The following RBL1 variants were observed in gnomAD, a reference collection of about 807,000 sequenced individuals.
The protein encoded by RBL1 is RB transcriptional corepressor like 1, also known as retinoblastoma-like protein 1.
Under a neutral mutation model 123.0 loss-of-function variants are expected in RBL1, and 82 were observed. The ratio of observed to expected loss-of-function variants is 0.67; its 90% CI spans 0.56 to 0.80. The LOEUF is 0.80. Among genes scored for constraint, RBL1 ranks in the 30% least tolerant of loss-of-function variants. The pLI is 0.00. For missense variants in RBL1, 1,171 were observed against 1,299.6 expected (o/e 0.90, Z 1.52); for synonymous variants, 405 against 441.3 (o/e 0.92, Z 1.03).
intron 2 of RBL1, among the ~76,000 whole-genome samples, chr20:37,070,133 T>A (rs1242852468): frequency 6.6e-6 from 1 of 152,218 alleles, no homozygotes; most frequent in Non-Finnish European, 1.5e-5. Context: ...TAAGAAAACT[T>A]CTTCTGCCGT....
intron 16 of RBL1, among the ~76,000 whole-genome samples, chr20:37,027,953 C>T (rs1368005195): frequency 6.6e-6 from 1 of 152,174 alleles, no homozygotes; most frequent in African/African-American, 2.4e-5. Flanking sequence ...CTGGGTCTCG[C>T]TATGTTGCCC....
chr20:36,998,986 A>G, intron 21 of RBL1, 57 bp from the exon 22 acceptor site: 1 of 1,506,390 alleles, frequency 6.6e-7, no homozygotes, highest in East Asian at 2.3e-5. Context: ...AATGGCAGCA[A>G]ACAACCAAGC....
At chr20:37,042,901 C>CA (rs1454040901) in intron 13 of RBL1, among the ~76,000 whole-genome samples, 2 of 110,102 alleles carry the variant, frequency 1.8e-5, no homozygotes, top group African/African-American at 6.6e-5. Flanking sequence ...CTTGTCCCCC[C>CA]CCCTCCAAAA....
chr20:37,076,185 C>A (rs980145350), intron 2 of RBL1, among the ~76,000 whole-genome samples: 1 of 152,100 alleles, frequency 6.6e-6, no homozygotes, highest in African/African-American at 2.4e-5. Context: ...CCCATTTATC[C>A]TCAGGGAATA....
At chr20:37,078,436 T>C (rs2065397838) in intron 2 of RBL1, among the ~76,000 whole-genome samples, 1 of 152,252 alleles carries the variant, frequency 6.6e-6, no homozygotes. Context: ...ATTTATTAGC[T>C]GGCATTCTAA....
intron 18 of RBL1, among the ~76,000 whole-genome samples, chr20:37,019,357 C>T (rs1441678515): frequency 6.6e-6 from 1 of 152,132 alleles, no homozygotes; most frequent in Non-Finnish European, 1.5e-5. Flanking sequence ...ATCCATTCCC[C>T]CTTGTACTGT....
chr20:37,014,872 G>C (rs2064224940), intron 19 of RBL1, among the ~76,000 whole-genome samples: 2 of 152,072 alleles, frequency 1.3e-5, no homozygotes, highest in Non-Finnish European at 2.9e-5. Flanking sequence ...AGACCAGCCT[G>C]GCCAACATAG....
At chr20:37,065,508 A>T in intron 6 of RBL1, 35 bp from the exon 7 acceptor site, 1 of 1,400,480 alleles carries the variant, frequency 7.1e-7, no homozygotes, top group Non-Finnish European at 1.0e-6. Flanking sequence ...ACACCATATA[A>T]TTAAGCATAT....
At chr20:37,030,294 T>G (rs2064485349) in intron 16 of RBL1, among the ~76,000 whole-genome samples, 1 of 152,178 alleles carries the variant, frequency 6.6e-6, no homozygotes, top group South Asian at 2.1e-4. Flanking sequence ...ATATCTATGC[T>G]CAAGTGACTT....
chr20:37,092,895 T>C (rs1223633538), intron 1 of RBL1, among the ~76,000 whole-genome samples: 1 of 152,202 alleles, frequency 6.6e-6, no homozygotes, highest in East Asian at 1.9e-4. Context: ...CTATGAATTC[T>C]ATGATATCAG....
At chr20:37,074,182 G>A (rs545572910) in intron 2 of RBL1, among the ~76,000 whole-genome samples, 3 of 151,924 alleles carry the variant, frequency 2.0e-5, no homozygotes, top group Admixed American at 2.0e-4. Context: ...GGAGGCTGAG[G>A]CAGGAAGATA....
intron 21 of RBL1, 113 bp downstream of exon 21, chr20:37,003,589 A>T (rs1330114784): frequency 1.5e-6 from 2 of 1,360,998 alleles, no homozygotes. Flanking sequence ...TTAACATTTC[A>T]TATTTTATTA....
At chr20:37,074,538 T>C (rs2065333594) in intron 2 of RBL1, among the ~76,000 whole-genome samples, 1 of 151,906 alleles carries the variant, frequency 6.6e-6, no homozygotes, top group Middle Eastern at 3.4e-3. Context: ...CTGGGATGGC[T>C]ACAATAAAAA....
chr20:37,021,651 G>C (rs982012813), intron 17 of RBL1: 2 of 152,340 alleles, frequency 1.3e-5, no homozygotes, highest in Non-Finnish European at 2.9e-5. Flanking sequence ...CACTGTGTTA[G>C]CCAGGATGGT....
Position 37,035,455 on chromosome 20 carries a change from C to T in RBL1, c.1957G>A (p.Ala653Thr), listed in dbSNP as rs751292145. 8.1e-6 allele frequency: 13 copies of T among 1,612,508 alleles called. No homozygotes were observed. The highest frequency in any genetic ancestry group is 2.2e-5 in the East Asian group (1 of 44,822). The change falls in exon 15 of 22, where the codon GCA becomes ACA. Residue 653 changes from alanine to threonine, a missense_variant. Physicochemically the swap from Ala to Thr is moderately conservative, Grantham distance 58. Transcript: ENST00000373664. ...SVHERYSSPT[A>T]GSAKRRLFGE... The stretch of plus-strand genomic sequence containing the variant: ...AAGAGTCTTCTCTTAGCACTCCCTG[C>T]GGTAGGAGAACTGTAGCGTTCATGG...
intron 2 of RBL1, among the ~76,000 whole-genome samples, chr20:37,071,909 T>C (rs1600580484): frequency 6.6e-6 from 1 of 152,276 alleles, no homozygotes; most frequent in Middle Eastern, 3.4e-3. Context: ...CAGGAGCAGA[T>C]GCCAGCCCCA....
At chr20:37,022,353 G>T (rs965776701) in intron 17 of RBL1, among the ~76,000 whole-genome samples, 3 of 152,178 alleles carry the variant, frequency 2.0e-5, no homozygotes. Flanking sequence ...TTGAGACAGG[G>T]TCTTGCTCTA....
At chr20:37,078,863 G>A (rs958401258) in intron 2 of RBL1, among the ~76,000 whole-genome samples, 3 of 148,264 alleles carry the variant, frequency 2.0e-5, no homozygotes, top group African/African-American at 5.0e-5. Flanking sequence ...GATCTGATTA[G>A]TCAAGATGGT....
At chr20:37,066,680 G>A (rs773266944) in intron 6 of RBL1, 44 bp downstream of exon 6, 1 of 1,544,984 alleles carries the variant, frequency 6.5e-7, no homozygotes, top group Non-Finnish European at 8.9e-7. Context: ...TCACATTACT[G>A]GTGATCTGTA....
Sources: allele counts gnomAD v4.1 joint callset (sites outside exome capture counted in the v4.1 genomes callset), GRCh38; gene constraint gnomAD v4.1.1; transcripts MANE v1.5; gene names NCBI Gene and HGNC (gene_info 2026-07-23, HGNC 2026-07-21).